Variants in MACROD2 observed in about 807,000 individuals in gnomAD.
MACROD2 encodes the protein mono-ADP ribosylhydrolase 2.
A neutral mutation model predicts 70.4 loss-of-function variants in MACROD2; 36 were observed. The ratio of observed to expected loss-of-function variants is 0.51; its 90% CI spans 0.39 to 0.68. MACROD2 has a LOEUF of 0.68. MACROD2 is among the 30% of genes least tolerant of loss of function. MACROD2 has a pLI of 0.00. For synonymous variants in MACROD2, 172 were observed against 178.8 expected (o/e 0.96, Z 0.30); for missense variants, 496 against 538.4 (o/e 0.92, Z 0.78).
At chr20:15,004,316 T>C (rs2075019011) in intron 5 of MACROD2, among the ~76,000 whole-genome samples, 1 of 152,372 alleles carries the variant, frequency 6.6e-6, no homozygotes, top group East Asian at 1.9e-4. Context: ...GACTACACTT[T>C]AGTCAGGTTG....
At chr20:15,381,409 T>C (rs1175348334) in intron 6 of MACROD2, among the ~76,000 whole-genome samples, 2 of 151,336 alleles carry the variant, frequency 1.3e-5, no homozygotes, top group Admixed American at 6.6e-5. Flanking sequence ...TACTTCACTT[T>C]AAAAATCTAG....
chr20:15,031,303 C>T (rs933389415), intron 5 of MACROD2, among the ~76,000 whole-genome samples: 2 of 152,194 alleles, frequency 1.3e-5, no homozygotes, highest in Non-Finnish European at 2.9e-5. Flanking sequence ...GGCTGCAGCT[C>T]TTCTCTCCTT....
intron 6 of MACROD2, among the ~76,000 whole-genome samples, chr20:15,328,121 G>A (rs2077952105): frequency 6.6e-6 from 1 of 152,030 alleles, no homozygotes; most frequent in African/African-American, 2.4e-5. Flanking sequence ...AGTATTTAAT[G>A]GGGTGGTTGG....
chr20:15,179,129 G>A (rs765454045), intron 5 of MACROD2, among the ~76,000 whole-genome samples: 19 of 152,238 alleles, frequency 1.2e-4, no homozygotes, highest in South Asian at 2.1e-4. Context: ...GTTACCTTTC[G>A]TGAGAGTATT....
chr20:15,729,612 G>T (rs1426760523), intron 8 of MACROD2, among the ~76,000 whole-genome samples: 2 of 152,088 alleles, frequency 1.3e-5, no homozygotes, highest in Non-Finnish European at 2.9e-5. Context: ...TATTCTAGTT[G>T]AACTGATGTT....
intron 3 of MACROD2, among the ~76,000 whole-genome samples, chr20:14,088,565 A>G (rs749671430): frequency 4.6e-5 from 7 of 152,128 alleles, no homozygotes; most frequent in Non-Finnish European, 1.0e-4. Context: ...ACAATTGATC[A>G]TATCTACTTC....
intron 7 of MACROD2, among the ~76,000 whole-genome samples, chr20:15,442,591 A>G (rs2046510434): frequency 6.6e-6 from 1 of 152,068 alleles, no homozygotes; most frequent in Non-Finnish European, 1.5e-5. Context: ...CTCACCTTCC[A>G]TTTAAGAGAA....
At chr20:14,764,236 A>T (rs2072055024) in intron 5 of MACROD2, among the ~76,000 whole-genome samples, 1 of 152,082 alleles carries the variant, frequency 6.6e-6, no homozygotes, top group Non-Finnish European at 1.5e-5. Context: ...TTCCTCCAGG[A>T]CTATGGTCCT....
chr20:15,375,715 C>T (rs1036098629), intron 6 of MACROD2, among the ~76,000 whole-genome samples: 7 of 152,050 alleles, frequency 4.6e-5, no homozygotes, highest in South Asian at 2.1e-4. Flanking sequence ...ATGTTAAGTA[C>T]TGTGCTGGGC....
intron 6 of MACROD2, among the ~76,000 whole-genome samples, chr20:15,365,115 A>G (rs2045389904): frequency 6.6e-6 from 1 of 152,100 alleles, no homozygotes; most frequent in African/African-American, 2.4e-5. Flanking sequence ...TGTACCACAC[A>G]TTAGTTTTTA....
intron 6 of MACROD2, among the ~76,000 whole-genome samples, chr20:15,429,801 G>T (rs2046342130): frequency 6.6e-6 from 1 of 151,906 alleles, no homozygotes; most frequent in Admixed American, 6.6e-5. Context: ...TATAGATTTA[G>T]GGGGTACAAG....
chr20:14,584,069 A>G (rs1463371510), intron 4 of MACROD2, among the ~76,000 whole-genome samples: 1 of 152,082 alleles, frequency 6.6e-6, no homozygotes, highest in African/African-American at 2.4e-5. Context: ...CTCACCTTTT[A>G]ACTATGCCCA....
chr20:15,685,370 C>G (rs895969799), intron 8 of MACROD2, among the ~76,000 whole-genome samples: 5 of 152,086 alleles, frequency 3.3e-5, no homozygotes, highest in African/African-American at 1.2e-4. Context: ...ACTAGCACTT[C>G]GAAAGAACAT....
intron 3 of MACROD2, among the ~76,000 whole-genome samples, chr20:14,314,750 G>A (rs1304949871): frequency 7.1e-6 from 1 of 141,368 alleles, no homozygotes; most frequent in African/African-American, 2.7e-5. Flanking sequence ...ACAAGAGTGA[G>A]ACTTCGTCTC....
chr20:14,547,420 G>T lies in MACROD2; in HGVS notation c.301+53912G>T, dbSNP rs550459399. On this transcript the variant is annotated intron_variant, in intron 4 of 17. Coordinates refer to ENST00000684519, the MANE Select transcript of MACROD2 (RefSeq NM_001351661.2). ...GGGTCATAAATCCCTTCAGGCAGAT[G>T]TTGTATAAGGCTTATTCTTTGAGCT... 411 of 220,950 alleles carry T rather than the reference G, an allele frequency of 1.9e-3. 1 individual carries two copies. Among genetic ancestry groups the T allele is most frequent in the Non-Finnish European group, 2.5e-3 (244 of 97,364 alleles). 13.7% of individuals were successfully genotyped at this position (220,950 alleles called of 1,614,324 possible). A position where few individuals can be genotyped will look rare whatever the true frequency, so the allele number is the denominator to read the frequency against.
intron 3 of MACROD2, among the ~76,000 whole-genome samples, chr20:14,087,648 A>G (rs1487629840): frequency 6.6e-6 from 1 of 152,036 alleles, no homozygotes; most frequent in African/African-American, 2.4e-5. Context: ...TATATGTAGT[A>G]TCTATGGATT....
At chr20:15,365,019 C>A (rs2423958) in intron 6 of MACROD2, among the ~76,000 whole-genome samples, 75,694 of 152,056 alleles carry the variant, frequency 0.5, 19,097 homozygotes, top group East Asian at 0.71. Context: ...GCAGAAAGAA[C>A]TTCAACAGTG....
intron 8 of MACROD2, among the ~76,000 whole-genome samples, chr20:15,706,334 G>C (rs756502772): frequency 1.3e-5 from 2 of 152,198 alleles, no homozygotes; most frequent in Non-Finnish European, 2.9e-5. Context: ...AAGTGAAAGG[G>C]TTGAAGTAGA....
At chr20:15,413,089 GC>G (rs1327222047) in intron 6 of MACROD2, among the ~76,000 whole-genome samples, 5 of 152,210 alleles carry the variant, frequency 3.3e-5, no homozygotes, top group Admixed American at 3.3e-4. Context: ...GAAAATACTT[GC>G]ATTTTTCTTC....
Sources: gnomAD v4.1 joint callset for allele counts (sites outside exome capture counted in the v4.1 genomes callset) on GRCh38, gnomAD v4.1.1 for gene constraint, MANE v1.5 for transcripts, NCBI Gene and HGNC (gene_info 2026-07-23, HGNC 2026-07-21) for gene names.